Variants in HMGCLL1 observed in about 807,000 individuals in gnomAD.
The protein encoded by HMGCLL1 is 3-hydroxymethyl-3-methylglutaryl-CoA lyase, cytoplasmic.
Under a neutral mutation model 39.1 loss-of-function variants are expected in HMGCLL1, and 36 were observed. The ratio of observed to expected loss-of-function variants is 0.92; its 90% CI spans 0.71 to 1.22. The LOEUF (loss-of-function observed/expected upper bound fraction) is 1.22, where lower values mean the gene tolerates loss of function less well. HMGCLL1 is among the 50% of genes most tolerant of loss of function. The pLI is 0.00. For synonymous variants in HMGCLL1, 149 were observed against 144.0 expected, an observed-to-expected ratio of 1.03 and a Z score of -0.25; for missense variants, 451 against 416.5, an observed-to-expected ratio of 1.08 and a Z score of -0.72.
chr6:55,452,259 A>T (rs1764129778), intron 7 of HMGCLL1, among the ~76,000 whole-genome samples: 1 of 152,206 alleles, frequency 6.6e-6, no homozygotes, highest in Admixed American at 6.5e-5. Flanking sequence ...CTCTTTTATT[A>T]ATCTTGGCTG....
At chr6:55,603,100 A>G in the HMGCLL1 span, among the ~76,000 whole-genome samples, 6 of 152,114 alleles carry the variant, frequency 3.9e-5, no homozygotes, top group Non-Finnish European at 5.9e-5. Flanking sequence ...ATTTCTGAGT[A>G]TTAAGTCTAC....
chr6:55,541,347 T>C (rs1331783486), intron 3 of HMGCLL1, among the ~76,000 whole-genome samples: 1 of 152,148 alleles, frequency 6.6e-6, no homozygotes, highest in Non-Finnish European at 1.5e-5. Flanking sequence ...CAATATGGGA[T>C]TCTAGAAGGA....
chr6:55,448,821 C>T (rs1387601383), intron 7 of HMGCLL1, among the ~76,000 whole-genome samples: 1 of 152,104 alleles, frequency 6.6e-6, no homozygotes, highest in East Asian at 1.9e-4. Flanking sequence ...TGGGATGCTG[C>T]ATTATTTACA....
the HMGCLL1 span, among the ~76,000 whole-genome samples, chr6:55,589,479 T>C: frequency 6.6e-6 from 1 of 152,160 alleles, no homozygotes; most frequent in Non-Finnish European, 1.5e-5. Context: ...GCATTCCCTT[T>C]GAAAACTGGC....
chr6:55,677,998 T>C, the HMGCLL1 span, among the ~76,000 whole-genome samples: 1 of 152,168 alleles, frequency 6.6e-6, no homozygotes, highest in African/African-American at 2.4e-5. Flanking sequence ...TGAGACTGTG[T>C]CATTGTACAA....
chr6:55,495,341 C>A, intron 7 of HMGCLL1, 78 bp downstream of exon 7: 1 of 1,095,682 alleles, frequency 9.1e-7, no homozygotes, highest in South Asian at 1.6e-5. Context: ...TGTAACAATA[C>A]AGCTTTCAGT....
At chr6:55,441,089 G>C (rs1404794614) in intron 7 of HMGCLL1, among the ~76,000 whole-genome samples, 1 of 147,450 alleles carries the variant, frequency 6.8e-6, no homozygotes, top group Non-Finnish European at 1.5e-5. Context: ...GCAGGAGAGA[G>C]AGACTGTGCT....
intron 1 of HMGCLL1, among the ~76,000 whole-genome samples, chr6:55,553,242 T>C (rs1326365250): frequency 1.4e-5 from 2 of 139,856 alleles, no homozygotes; most frequent in African/African-American, 5.5e-5. Context: ...TGTATTTACA[T>C]ATATACGTGT....
intron 1 of HMGCLL1, among the ~76,000 whole-genome samples, chr6:55,568,931 T>TA (rs1264583923): frequency 6.6e-6 from 1 of 151,698 alleles, no homozygotes; most frequent in Non-Finnish European, 1.5e-5. Context: ...CAGGGAAAGT[T>TA]ACAGCACAGA....
the HMGCLL1 span, among the ~76,000 whole-genome samples, chr6:55,666,291 A>G: frequency 6.6e-6 from 1 of 151,728 alleles, no homozygotes; most frequent in Non-Finnish European, 1.5e-5. Context: ...ACAGTTTCCC[A>G]TTTCAAGAAT....
At chr6:55,461,084 G>GA (rs1221860572) in intron 7 of HMGCLL1, among the ~76,000 whole-genome samples, 3 of 151,606 alleles carry the variant, frequency 2.0e-5, no homozygotes, top group Admixed American at 1.3e-4. Flanking sequence ...CTGAATGTAG[G>GA]AAAAAAAATC....
At chr6:55,580,382 G>A (rs376215099), upstream of HMGCLL1, among the ~76,000 whole-genome samples, 3 of 146,514 alleles carry the variant, frequency 2.0e-5, no homozygotes, top group East Asian at 2.0e-4. Flanking sequence ...AGTTAACCAA[G>A]GATTTTTTTT....
At chr6:55,454,753 C>T (rs1339617016) in intron 7 of HMGCLL1, among the ~76,000 whole-genome samples, 3 of 152,152 alleles carry the variant, frequency 2.0e-5, no homozygotes, top group Non-Finnish European at 4.4e-5. Flanking sequence ...AAACTTAGCT[C>T]ACTCATAGGA....
chr6:55,668,988 C>A, the HMGCLL1 span, among the ~76,000 whole-genome samples: 4 of 151,582 alleles, frequency 2.6e-5, no homozygotes, highest in African/African-American at 9.7e-5. Flanking sequence ...CCTCTTCTCC[C>A]TGTCCTCCTA....
At chr6:55,637,132 A>G in the HMGCLL1 span, among the ~76,000 whole-genome samples, 2 of 152,316 alleles carry the variant, frequency 1.3e-5, no homozygotes, top group African/African-American at 2.4e-5. Context: ...TGTTTCAGCC[A>G]AGGAACTAGC....
intron 7 of HMGCLL1, among the ~76,000 whole-genome samples, chr6:55,448,673 G>A (rs1763960029): frequency 6.6e-6 from 1 of 151,994 alleles, no homozygotes; most frequent in Admixed American, 6.6e-5. Context: ...TTTGCCTGTT[G>A]TTGATTGGAT....
chr6:55,529,035 C>T (rs1768485133), intron 3 of HMGCLL1, among the ~76,000 whole-genome samples: 1 of 152,030 alleles, frequency 6.6e-6, no homozygotes, highest in South Asian at 2.1e-4. Flanking sequence ...AAATAAAAGT[C>T]ATTTTATTCA....
the HMGCLL1 span, among the ~76,000 whole-genome samples, chr6:55,619,764 T>C: frequency 5.9e-5 from 9 of 152,124 alleles, no homozygotes; most frequent in Non-Finnish European, 1.2e-4. Flanking sequence ...CCAGTCACTC[T>C]GTTGTGCTAT....
the HMGCLL1 span, among the ~76,000 whole-genome samples, chr6:55,657,572 T>C: frequency 0.055 from 8,365 of 152,044 alleles, 393 homozygotes; most frequent in Non-Finnish European, 0.077. Context: ...AGTACCATGC[T>C]ATTTTGGTTA....
Sources: allele counts gnomAD v4.1 joint callset (sites outside exome capture counted in the v4.1 genomes callset), GRCh38; gene constraint gnomAD v4.1.1; transcripts MANE v1.5; gene names NCBI Gene and HGNC (gene_info 2026-07-23, HGNC 2026-07-21).